CSMD1: variants seen among roughly 807,000 people sequenced by gnomAD.
The protein encoded by CSMD1 is CUB and Sushi multiple domains 1, also known as CUB and sushi domain-containing protein 1.
Under a neutral mutation model 417.5 loss-of-function variants are expected in CSMD1, and 213 were observed. The ratio of observed to expected loss-of-function variants is 0.51; its 90% CI spans 0.46 to 0.57. CSMD1 has a LOEUF of 0.57. Among genes scored for constraint, CSMD1 ranks in the 20% least tolerant of loss-of-function variants. CSMD1 has a pLI of 0.00. For synonymous variants in CSMD1, 2,862 were observed against 1,736.8 expected, an observed-to-expected ratio of 1.65 and a Z score of -16.11; for missense variants, 6,923 against 4,529.7, an observed-to-expected ratio of 1.53 and a Z score of -15.17.
intron 5 of CSMD1, among the ~76,000 whole-genome samples, chr8:3,762,110 G>T (rs917898311): frequency 6.6e-6 from 1 of 152,012 alleles, no homozygotes; most frequent in Non-Finnish European, 1.5e-5. Flanking sequence ...CTCCAGCTTG[G>T]CTCATTCTGC....
intron 1 of CSMD1, among the ~76,000 whole-genome samples, chr8:4,752,097 A>G (rs566367037): frequency 6.6e-6 from 1 of 151,712 alleles, no homozygotes; most frequent in Admixed American, 6.6e-5. Flanking sequence ...GTGTGTGTAC[A>G]TGTATCACAT....
chr8:3,663,781 G>A (rs1798543198), intron 7 of CSMD1, among the ~76,000 whole-genome samples: 1 of 152,114 alleles, frequency 6.6e-6, no homozygotes, highest in South Asian at 2.1e-4. Flanking sequence ...TATGCTGATT[G>A]ATGTCTCATG....
intron 1 of CSMD1, among the ~76,000 whole-genome samples, chr8:4,689,054 T>C (rs916494683): frequency 1.3e-5 from 2 of 152,222 alleles, no homozygotes; most frequent in South Asian, 4.1e-4. Context: ...CATAATAACT[T>C]GCTTTATTCA....
At chr8:4,825,700 G>C (rs1056959099) in intron 1 of CSMD1, among the ~76,000 whole-genome samples, 17 of 146,866 alleles carry the variant, frequency 1.2e-4, no homozygotes, top group African/African-American at 3.9e-4. Context: ...TACAGAATGG[G>C]AGAAAAGATT....
At chr8:3,864,150 G>A (rs1171167115) in intron 5 of CSMD1, among the ~76,000 whole-genome samples, 1 of 152,110 alleles carries the variant, frequency 6.6e-6, no homozygotes, top group Non-Finnish European at 1.5e-5. Context: ...AGCATTTATG[G>A]ATCACCTTTA....
intron 21 of CSMD1, among the ~76,000 whole-genome samples, chr8:3,352,988 T>C (rs1808515798): frequency 6.6e-6 from 1 of 152,142 alleles, no homozygotes; most frequent in Non-Finnish European, 1.5e-5. Flanking sequence ...ACAATGACAC[T>C]AATTAACATG....
At chr8:4,521,420 G>A (rs1474076427) in intron 2 of CSMD1, among the ~76,000 whole-genome samples, 2 of 152,222 alleles carry the variant, frequency 1.3e-5, no homozygotes, top group East Asian at 1.9e-4. Flanking sequence ...TGTATTATTT[G>A]TATTTTTAAA....
chr8:3,608,228 G>C lies in CSMD1; in HGVS notation c.1097+8482C>G, dbSNP rs376776334. Among the ~76,000 whole-genome samples, 3 of 152,024 alleles carry C rather than the reference G, an allele frequency of 2.0e-5. No homozygotes were observed. The East Asian group carries it at 5.8e-4, about 30-fold the overall frequency. ...AAAGACAGGACACTGAAGGTGGGCA[G>C]GTGCCACCTGCAGAGGAGGTAGTGT... On this transcript the variant is annotated intron_variant, in intron 8 of 69. Transcript: ENST00000635120.
At chr8:3,682,509 T>C (rs899960251) in intron 7 of CSMD1, among the ~76,000 whole-genome samples, 6 of 152,076 alleles carry the variant, frequency 3.9e-5, no homozygotes, top group Admixed American at 2.0e-4. Flanking sequence ...CTCACAACAG[T>C]TGGAATGGCG....
At chr8:4,700,115 G>A (rs1454465222) in intron 1 of CSMD1, among the ~76,000 whole-genome samples, 2 of 152,044 alleles carry the variant, frequency 1.3e-5, no homozygotes, top group Admixed American at 1.3e-4. Flanking sequence ...TCTAATAAGT[G>A]GTGAACTTTT....
intron 12 of CSMD1, among the ~76,000 whole-genome samples, chr8:3,430,633 C>T (rs1814155901): frequency 6.6e-6 from 1 of 152,030 alleles, no homozygotes; most frequent in Non-Finnish European, 1.5e-5. Context: ...ATGGTGAAAC[C>T]ACATCTCCAC....
chr8:3,967,149 C>T (rs2627472), intron 5 of CSMD1, among the ~76,000 whole-genome samples: 102,089 of 151,670 alleles, frequency 0.67, 34,646 homozygotes, highest in East Asian at 0.93. Flanking sequence ...CATCTTTCTG[C>T]TACTTAAAAT....
chr8:4,073,043 G>A (rs34540204), intron 3 of CSMD1, among the ~76,000 whole-genome samples: 3,174 of 152,202 alleles, frequency 0.021, 66 homozygotes, highest in Non-Finnish European at 0.031. Flanking sequence ...TAAGTGTAGC[G>A]TAGATGATAG....
At chr8:4,185,618 C>G (rs941832144) in intron 3 of CSMD1, among the ~76,000 whole-genome samples, 5 of 152,024 alleles carry the variant, frequency 3.3e-5, no homozygotes, top group African/African-American at 1.2e-4. Flanking sequence ...TGAAATTGCA[C>G]GTTATTTAAA....
chr8:3,630,956 G>C (rs986644908), intron 7 of CSMD1, among the ~76,000 whole-genome samples: 6 of 152,202 alleles, frequency 3.9e-5, no homozygotes, highest in African/African-American at 1.2e-4. Context: ...CAAGAGATGA[G>C]ACTGAAAAGC....
chr8:3,643,861 T>G (rs1258819158), intron 7 of CSMD1, among the ~76,000 whole-genome samples: 1 of 152,156 alleles, frequency 6.6e-6, no homozygotes, highest in Non-Finnish European at 1.5e-5. Context: ...ATTAGCTTAA[T>G]GAATTAGTTA....
chr8:4,508,161 T>A (rs113152818), intron 2 of CSMD1, among the ~76,000 whole-genome samples: 628 of 8,126 alleles, frequency 0.077, 11 homozygotes, highest in Middle Eastern at 0.27. Flanking sequence ...AGAGGTAATA[T>A]TTTTTTTTTT....
intron 1 of CSMD1, among the ~76,000 whole-genome samples, chr8:4,755,910 C>T (rs79986922): frequency 0.012 from 1,894 of 152,258 alleles, 29 homozygotes; most frequent in African/African-American, 0.043. Flanking sequence ...CAGTTTTTTC[C>T]TTTCCAGTGA....
chr8:4,280,763 CAT>C (rs1796738683), intron 3 of CSMD1, among the ~76,000 whole-genome samples: 2 of 152,112 alleles, frequency 1.3e-5, no homozygotes, highest in African/African-American at 2.4e-5. Flanking sequence ...TTTTTAAAAA[CAT>C]GTTACTATAT....
Sources: gnomAD v4.1 joint callset for allele counts (sites outside exome capture counted in the v4.1 genomes callset) on GRCh38, gnomAD v4.1.1 for gene constraint, MANE v1.5 for transcripts, NCBI Gene and HGNC (gene_info 2026-07-23, HGNC 2026-07-21) for gene names.